The following TBC1D9B variants were observed in gnomAD, a reference collection of about 807,000 sequenced individuals.
TBC1D9B encodes TBC1 domain family member 9B, also known as TBC1 domain family, member 9B (with GRAM domain).
TBC1D9B carries 87 observed loss-of-function variants against 121.1 expected under a neutral mutation model. The ratio of observed to expected loss-of-function variants is 0.72; its 90% CI spans 0.60 to 0.86. The LOEUF is 0.86. TBC1D9B is among the 40% of genes least tolerant of loss of function. TBC1D9B has a pLI of 0.00. For missense variants in TBC1D9B, 1,540 were observed against 1,628.6 expected, an observed-to-expected ratio of 0.95 and a Z score of 0.94; for synonymous variants, 668 against 670.1, an observed-to-expected ratio of 1.00 and a Z score of 0.05.
At chr5:179,900,124 G>A (rs538260964) in intron 2 of TBC1D9B, among the ~76,000 whole-genome samples, 351 of 152,290 alleles carry the variant, frequency 2.3e-3, no homozygotes, top group Middle Eastern at 3.4e-3. Context: ...GGATGCTGAG[G>A]TGGGAGGATT....
At chr5:179,867,615 G>A (rs746939808) in intron 18 of TBC1D9B, 163 bp downstream of exon 18, 49 of 1,472,608 alleles carry the variant, frequency 3.3e-5, no homozygotes, top group East Asian at 9.8e-5. Flanking sequence ...CCCAGCCCCC[G>A]CCAGCATGGC....
chr5:179,905,183 G>A (rs1435984748), intron 1 of TBC1D9B, among the ~76,000 whole-genome samples: 2 of 152,100 alleles, frequency 1.3e-5, no homozygotes, highest in Admixed American at 6.5e-5. Context: ...AGAGCTACAC[G>A]TTAAAGTTAA....
chr5:179,881,445 G>A (rs773469829), intron 7 of TBC1D9B, among the ~76,000 whole-genome samples: 2 of 152,076 alleles, frequency 1.3e-5, no homozygotes, highest in East Asian at 3.9e-4. Context: ...TGCAGGAGTC[G>A]CTCTCCCAGC....
rs772208263 is a variant in TBC1D9B at position 179,865,268 on chromosome 5, G to A, written c.3007C>T (p.Pro1003Ser). 1 of 1,614,156 alleles carries A rather than the reference G, an allele frequency of 6.2e-7. No homozygotes were observed. The highest frequency in any genetic ancestry group is 8.5e-7 in the Non-Finnish European group (1 of 1,180,030). Residue 1003 changes from proline to serine, a missense_variant, in exon 20 of 21, where the codon CCC becomes TCC. Pro to Ser is a moderately conservative substitution (Grantham distance 74). Transcript: ENST00000355235. The surrounding 1 kb of genome is among the most constrained non-coding windows in gnomAD (Gnocchi z 5.1). The part of the protein sequence containing the change: ...EAQKETIKDL[P>S]KMNQEQFIEL... The stretch of plus-strand genomic sequence containing the variant: ...GTGGAGCCTACCTGGTTCATCTTGG[G>A]AAGATCCTTAATCGTCTCCTTCTGA...
chr5:179,872,918 A>C lies in TBC1D9B; in HGVS notation c.2389T>G (p.Leu797Val), dbSNP rs1376797211. 1 of 1,613,648 alleles carries C rather than the reference A, an allele frequency of 6.2e-7. No individual in the cohort carries two copies. The highest frequency in any genetic ancestry group is 1.1e-5 in the South Asian group (1 of 91,068). The change falls in exon 14 of 21, where the codon TTG (leucine) becomes GTG (valine). Residue 797 changes from leucine to valine, a missense_variant. Coordinates refer to ENST00000355235, the MANE Select transcript of TBC1D9B (RefSeq NM_015043.4). ...ACACTCCTCTTGGCCGTGTCCTCCA[A>C]GGACTGGATCACTTTCAGCCTCTGT... ...FKQRLKVIQS[L>V]EDTAKRSVVR...
At chr5:179,894,678 C>A in intron 3 of TBC1D9B, 64 bp from the exon 4 acceptor site, 3 of 1,555,010 alleles carry the variant, frequency 1.9e-6, no homozygotes, top group African/African-American at 2.7e-5. Context: ...AAGGGTGGAG[C>A]AGAGAGGCCC....
chr5:179,877,957 G>A (rs1760407028), intron 10 of TBC1D9B, among the ~76,000 whole-genome samples: 1 of 152,170 alleles, frequency 6.6e-6, no homozygotes, highest in Non-Finnish European at 1.5e-5. Flanking sequence ...GAGGTCTGGG[G>A]ATGGATGGCG....
chr5:179,863,257 A>G lies in TBC1D9B; in HGVS notation c.*191T>C. On this transcript the variant is annotated 3_prime_UTR_variant, in exon 21 of 21. Transcript: ENST00000355235. The surrounding 1 kb of genome is among the most constrained non-coding windows in gnomAD (Gnocchi z 4.5). ...GGGCCCAGAAGCAGCCGGCGCCAGG[A>G]GATGCAGGCCCAGGGAATCTGTCTA... 1.6e-6 allele frequency: 1 copy of G among 640,934 alleles called. No individual in the cohort carries two copies. Among genetic ancestry groups the G allele is most frequent in the African/African-American group, 1.8e-5 (1 of 54,524 alleles). 39.7% of individuals were successfully genotyped at this position (640,934 alleles called of 1,614,324 possible).
At position 179,874,101 on chromosome 5, in the gene TBC1D9B, G is replaced by A. The variant is rs1034848305; in HGVS notation, c.2186+801C>T. Reference sequence around the variant, plus strand: ...CTGGGGGCTGGGGGCATTCCAGTCCGGACAAATACGCTATGTAGGAGGGTG... The same window carrying A: ...CTGGGGGCTGGGGGCATTCCAGTCCAGACAAATACGCTATGTAGGAGGGTG... On this transcript the variant is annotated intron_variant, in intron 12 of 20. Coordinates refer to ENST00000355235, the MANE Select transcript of TBC1D9B (RefSeq NM_015043.4). The surrounding 1 kb of genome is among the most constrained non-coding windows in gnomAD (Gnocchi z 4.3). Among the ~76,000 whole-genome samples the A allele has an allele frequency of 6.6e-6, 1 of 152,172 alleles. No homozygotes were observed. The highest frequency in any genetic ancestry group is 1.5e-5 in the Non-Finnish European group (1 of 68,022).
At position 179,904,993 on chromosome 5, in the gene TBC1D9B, A is replaced by G. The variant is rs1582110217; in HGVS notation, c.119-181T>C. Among the ~76,000 whole-genome samples, 1 of 152,350 alleles carries G rather than the reference A, an allele frequency of 6.6e-6. No homozygotes were observed. Among genetic ancestry groups the G allele is most frequent in the South Asian group, 2.1e-4 (1 of 4,834 alleles). On this transcript the variant is annotated intron_variant, in intron 1 of 20. Transcript: ENST00000355235. The surrounding 1 kb of genome is among the most constrained non-coding windows in gnomAD (Gnocchi z 4.2). The stretch of plus-strand genomic sequence containing the variant: ...CTTCAGCCAGTGTCTGATCCCGATC[A>G]AAAACATCCCCTTCTACTTCTTCCT...
chr5:179,880,044 G>A (rs1262160420), intron 7 of TBC1D9B: 3 of 564,966 alleles, frequency 5.3e-6, no homozygotes, highest in Non-Finnish European at 9.4e-6. Flanking sequence ...CTCAGGGAGC[G>A]GGTTCTGGGC....
intron 18 of TBC1D9B, chr5:179,867,363 G>T: frequency 7.0e-7 from 1 of 1,438,378 alleles, no homozygotes; most frequent in South Asian, 1.4e-5. Context: ...AGGTCCCTGG[G>T]ACAAAGAGCT....
chr5:179,906,614 G>A (rs972764287), intron 1 of TBC1D9B, among the ~76,000 whole-genome samples: 1 of 152,200 alleles, frequency 6.6e-6, no homozygotes, highest in Admixed American at 6.5e-5. Flanking sequence ...CTGAACAGCT[G>A]GATCTAGGAG....
rs780877349 is a variant in TBC1D9B, at chr5:179,863,446, C to T, written c.*2G>A. ...TTGGGCCAGGCCTCACAGCTGCAGG[C>T]ATCAGCCGGAAACTCCAGGCTGCTC... On this transcript the variant is annotated 3_prime_UTR_variant, in exon 21 of 21. Coordinates refer to ENST00000355235, the MANE Select transcript of TBC1D9B (RefSeq NM_015043.4). This position sits in a 1 kb window ranked among gnomAD's most constrained non-coding sequence, Gnocchi z 4.5. 1.2e-6 allele frequency: 2 copies of T among 1,611,266 alleles called. No homozygotes were observed. The highest frequency in any genetic ancestry group is 2.2e-5 in the East Asian group (1 of 44,890).
At chr5:179,877,708 G>GTCTAT (rs1760401123) in intron 10 of TBC1D9B, among the ~76,000 whole-genome samples, 1 of 151,536 alleles carries the variant, frequency 6.6e-6, no homozygotes, top group African/African-American at 2.4e-5. Flanking sequence ...AGAAAATGTG[G>GTCTAT]TCTATGTAAT....
Position 179,865,122 on chromosome 5 carries a change from A to AG in TBC1D9B, c.3021+131_3021+132insC. 5 of 800,964 alleles carry AG rather than the reference A, an allele frequency of 6.2e-6. No homozygotes were observed. The highest frequency in any genetic ancestry group is 1.0e-5 in the Non-Finnish European group (5 of 483,262). 49.6% of individuals were successfully genotyped at this position (800,964 alleles called of 1,614,324 possible). On this transcript the variant is annotated intron_variant, in intron 20 of 20. Coordinates refer to ENST00000355235, the MANE Select transcript of TBC1D9B (RefSeq NM_015043.4). This position sits in a 1 kb window ranked among gnomAD's most constrained non-coding sequence, Gnocchi z 5.1. ...TCATCGCTGACTGGCAACCAGGACTAACGGGCTCTAGAGGCAGGGAGGAGC... is the reference window on the plus strand; with the variant it reads ...TCATCGCTGACTGGCAACCAGGACTAGACGGGCTCTAGAGGCAGGGAGGAGC...
At chr5:179,864,196 C>A in intron 20 of TBC1D9B, 68 bp from the exon 21 acceptor site, 1 of 1,443,586 alleles carries the variant, frequency 6.9e-7, no homozygotes, top group Non-Finnish European at 9.3e-7. Flanking sequence ...CCATATTAGC[C>A]AAACTGATGA....
At chr5:179,896,597 A>ACTGCAACCTCTGCCTCC (rs1465374502) in intron 3 of TBC1D9B, among the ~76,000 whole-genome samples, 2 of 152,106 alleles carry the variant, frequency 1.3e-5, no homozygotes, top group Non-Finnish European at 2.9e-5. Context: ...ATCTTGGCTC[A>ACTGCAACCTCTGCCTCC]CTGCAACCTC....
chr5:179,864,233 G>A lies in TBC1D9B; in HGVS notation c.3022-105C>T, dbSNP rs989283186. The A allele has an allele frequency of 3.4e-6, 4 of 1,175,242 alleles. No individual in the cohort carries two copies. In the East Asian group the frequency reaches 1.0e-4, roughly 30 times the overall value. The allele number at this position is 1,175,242 out of a possible 1,614,324, so 72.8% of individuals were successfully genotyped here. ...AAGCACCAGCCTAAGGATGTTGGCT[G>A]CCGTCTTGCTAATCATCTCCATGAG... On this transcript the variant is annotated intron_variant, in intron 20 of 20. Transcript: ENST00000355235.
Sources: gnomAD v4.1 joint callset for allele counts (sites outside exome capture counted in the v4.1 genomes callset) on GRCh38, gnomAD v4.1.1 for gene constraint, Gnocchi (gnomAD v3.1) non-coding constraint, MANE v1.5 for transcripts, NCBI Gene and HGNC (gene_info 2026-07-23, HGNC 2026-07-21) for gene names.